GLRA2: variants seen among roughly 807,000 people sequenced by gnomAD.
GLRA2 encodes glycine receptor alpha 2.
In GLRA2, 11 loss-of-function variants were observed where a neutral mutation model predicts 31.6. That is an observed-to-expected ratio of 0.35 (90% confidence interval 0.22 to 0.58). The LOEUF is 0.58. Among genes scored for constraint, GLRA2 ranks in the 20% least tolerant of loss-of-function variants. The pLI is 0.84. For missense variants in GLRA2, 212 were observed against 351.8 expected (o/e 0.60, Z 3.18); for synonymous variants, 132 against 134.0 (o/e 0.99, Z 0.10).
intron 7 of GLRA2, among the ~76,000 whole-genome samples, chrX:14,667,741 T>C (rs1220019095): frequency 9.0e-6 from 1 of 111,555 alleles, no homozygotes; most frequent in Non-Finnish European, 1.9e-5. Context: ...TTCCAAATTC[T>C]GGATTCATGA....
upstream of GLRA2, among the ~76,000 whole-genome samples, chrX:14,528,434 C>T (rs752926129): frequency 8.9e-6 from 1 of 111,961 alleles, no homozygotes; most frequent in Non-Finnish European, 1.9e-5. Context: ...AGGTGACTAA[C>T]AAGGAATATT....
chrX:14,699,168 G>A (rs761797306), intron 8 of GLRA2, among the ~76,000 whole-genome samples: 1 of 111,878 alleles, frequency 8.9e-6, no homozygotes, highest in Non-Finnish European at 1.9e-5. Context: ...TAATGTTATC[G>A]CCTCTGCTCC....
intron 3 of GLRA2, among the ~76,000 whole-genome samples, chrX:14,578,619 ATG>A (rs934807422): frequency 1.8e-5 from 2 of 111,838 alleles, no homozygotes; most frequent in African/African-American, 6.5e-5. Flanking sequence ...TGTTTTTGAA[ATG>A]TGAGTTTACC....
At chrX:14,626,746 T>TA (rs1391700620) in intron 7 of GLRA2, among the ~76,000 whole-genome samples, 3 of 111,994 alleles carry the variant, frequency 2.7e-5, no homozygotes, top group African/African-American at 9.7e-5. Context: ...ATAAAATGGT[T>TA]AAAAAGATTG....
At chrX:14,485,722 CCATCTTCTGT>C in the GLRA2 span, among the ~76,000 whole-genome samples, 1 of 111,709 alleles carries the variant, frequency 9.0e-6, no homozygotes, top group Non-Finnish European at 1.9e-5. Context: ...GTCCCATCTG[CCATCTTCTGT>C]CATCTGGATT....
intron 5 of GLRA2, among the ~76,000 whole-genome samples, chrX:14,604,742 T>C (rs1459370287): frequency 9.0e-6 from 1 of 110,632 alleles, no homozygotes; most frequent in Non-Finnish European, 1.9e-5. Flanking sequence ...TTAAAATTAT[T>C]AGTCATTAAA....
At chrX:14,516,305 T>C in the GLRA2 span, among the ~76,000 whole-genome samples, 3 of 112,068 alleles carry the variant, frequency 2.7e-5, no homozygotes, top group Non-Finnish European at 3.8e-5. Context: ...CATTTAAATT[T>C]TACTCTAAAT....
chrX:14,468,793 T>C, the GLRA2 span, among the ~76,000 whole-genome samples: 1 of 110,530 alleles, frequency 9.0e-6, no homozygotes, highest in Non-Finnish European at 1.9e-5. Flanking sequence ...AGTGTAAAAG[T>C]GTTCCTATTT....
chrX:14,622,374 C>T (rs925931663), intron 7 of GLRA2, among the ~76,000 whole-genome samples: 1 of 111,690 alleles, frequency 9.0e-6, no homozygotes, highest in African/African-American at 3.3e-5. Flanking sequence ...TAATTAGATC[C>T]CATTTGTCAA....
intron 2 of GLRA2, among the ~76,000 whole-genome samples, chrX:14,549,549 G>A (rs888896132): frequency 1.8e-5 from 2 of 111,496 alleles, no homozygotes; most frequent in South Asian, 3.7e-4. Flanking sequence ...GTTAGAAAAC[G>A]GGCAAGATTC....
chrX:14,656,627 C>G (rs1050891298), intron 7 of GLRA2, among the ~76,000 whole-genome samples: 1 of 112,187 alleles, frequency 8.9e-6, no homozygotes, highest in African/African-American at 3.2e-5. Flanking sequence ...TGAATGACTT[C>G]TAACTCTAGT....
At chrX:14,656,364 A>G (rs191173526) in intron 7 of GLRA2, among the ~76,000 whole-genome samples, 24 of 112,666 alleles carry the variant, frequency 2.1e-4, no homozygotes, top group African/African-American at 7.4e-4. Context: ...TACATGTTGT[A>G]TATTCTGTGT....
intron 7 of GLRA2, among the ~76,000 whole-genome samples, chrX:14,682,348 A>G (rs2091222839): frequency 9.0e-6 from 1 of 111,016 alleles, no homozygotes; most frequent in Non-Finnish European, 1.9e-5. Context: ...AGTACTTCAG[A>G]TTGTTTTAGA....
At chrX:14,643,718 C>T (rs766502273) in intron 7 of GLRA2, among the ~76,000 whole-genome samples, 1 of 111,596 alleles carries the variant, frequency 9.0e-6, no homozygotes, top group Admixed American at 9.5e-5. Context: ...AGTGCTTCCC[C>T]ATTCCTGTAA....
the GLRA2 span, among the ~76,000 whole-genome samples, chrX:14,500,167 G>T: frequency 8.9e-6 from 1 of 111,820 alleles, no homozygotes; most frequent in Non-Finnish European, 1.9e-5. Flanking sequence ...TCTGTATTTT[G>T]GCCAAAGGAG....
intron 2 of GLRA2, 50 bp from the exon 3 acceptor site, chrX:14,574,283 C>A: frequency 1.4e-6 from 1 of 738,761 alleles, no homozygotes; most frequent in Non-Finnish European, 2.2e-6. Flanking sequence ...GTTAATGGAG[C>A]TGTATTTTTG....
At chrX:14,688,756 GGCAATGCCTCACCCTGGT>G (rs2091308744) in intron 7 of GLRA2, among the ~76,000 whole-genome samples, 1 of 110,118 alleles carries the variant, frequency 9.1e-6, no homozygotes, top group Non-Finnish European at 1.9e-5. Context: ...TCCCGGGTGA[GGCAATGCCTCACCCTGGT>G]CCGGCTCACG....
intron 8 of GLRA2, among the ~76,000 whole-genome samples, chrX:14,697,296 A>G (rs1282341558): frequency 2.7e-5 from 3 of 111,767 alleles, no homozygotes; most frequent in Non-Finnish European, 5.6e-5. Context: ...TTTGTCCTGG[A>G]TTACTCATTT....
intron 2 of GLRA2, among the ~76,000 whole-genome samples, chrX:14,551,611 T>C (rs1277828146): frequency 1.8e-5 from 2 of 111,850 alleles, no homozygotes; most frequent in African/African-American, 6.5e-5. Context: ...TTTTACATCT[T>C]TGAGTGCAAA....
Sources: gnomAD v4.1 joint callset for allele counts (sites outside exome capture counted in the v4.1 genomes callset) on GRCh38, gnomAD v4.1.1 for gene constraint, MANE v1.5 for transcripts, NCBI Gene and HGNC (gene_info 2026-07-23, HGNC 2026-07-21) for gene names.